ALDH2: variants seen among roughly 807,000 people sequenced by gnomAD.
The protein encoded by ALDH2 is aldehyde dehydrogenase, mitochondrial.
In ALDH2, 44 loss-of-function variants were observed where a neutral mutation model predicts 59.6. The observed-to-expected ratio is 0.74, with a 90% CI of 0.58 to 0.95. The LOEUF is 0.95. ALDH2 is among the 40% of genes least tolerant of loss of function. The pLI, the probability that ALDH2 is intolerant of heterozygous loss-of-function variation, is 0.00. For missense variants in ALDH2, 570 were observed against 696.3 expected (o/e 0.82, Z 2.04); for synonymous variants, 291 against 284.0 (o/e 1.02, Z -0.25).
chr12:111,803,425 C>A (rs1377968148), intron 11 of ALDH2, among the ~76,000 whole-genome samples: 1 of 151,618 alleles, frequency 6.6e-6, no homozygotes, highest in African/African-American at 2.4e-5. Flanking sequence ...TAGTGAGACC[C>A]CATCTCTACA....
At position 111,798,230 on chromosome 12, in the gene ALDH2, C is replaced by T. The variant is rs908169925; in HGVS notation, c.1236C>T (p.Ile412=). Residue 412 remains isoleucine (I), a synonymous_variant, in exon 10 of 13, where the codon ATC becomes ATT. Transcript: ENST00000261733. ...VFGDVQDGMT[I]AKEEIFGPVM... is the part of the protein sequence containing the mutation. ...GAGATGTGCAGGATGGCATGACCAT[C>T]GCCAAGGAGGAGGTGAGCACTTGGG... 7.1e-6 allele frequency: 11 copies of T among 1,557,414 alleles called. No homozygotes were observed. Among genetic ancestry groups the T allele is most frequent in the South Asian group, 3.7e-5 (3 of 81,552 alleles).
rs190334502 is a variant in ALDH2, at chr12:111,807,235, C to T, written c.1522-2308C>T. ...CCGAGATGGTGCCACTGCACTCCAG[C>T]GTGGGAGACAGAGCGAGACTCTGTC... On this transcript the variant is annotated intron_variant, in intron 12 of 12. Transcript: ENST00000261733. 1.1e-3 allele frequency among the ~76,000 whole-genome samples: 173 copies of T among 151,842 alleles called. No homozygotes were observed. In the East Asian group the frequency reaches 0.014, roughly 13 times the overall value.
chr12:111,804,475 G>T (rs967438527), intron 12 of ALDH2, among the ~76,000 whole-genome samples: 1 of 152,204 alleles, frequency 6.6e-6, no homozygotes, highest in Non-Finnish European at 1.5e-5. Context: ...ACCGGGCACG[G>T]TGGCTCACAC....
intron 9 of ALDH2, among the ~76,000 whole-genome samples, chr12:111,793,461 C>T (rs755676946): frequency 1.2e-4 from 18 of 152,110 alleles, no homozygotes; most frequent in Admixed American, 8.5e-4. Context: ...TATATTCCTT[C>T]GCACCTCCCT....
intron 1 of ALDH2, 149 bp from the exon 2 acceptor site, chr12:111,781,769 C>T (rs1566184239): frequency 1.7e-6 from 1 of 596,048 alleles, no homozygotes; most frequent in Non-Finnish European, 3.0e-6. Context: ...CCTAGATTGT[C>T]TGCAAGGCCT....
At position 111,798,805 on chromosome 12, in the gene ALDH2, G is replaced by A. The variant is rs148853596; in HGVS notation, c.1248+563G>A. Reference sequence around the variant, plus strand: ...GTGGATCACCTGAGGTCATGAGTTCGAGACCAGCCTGGCCAACATGGCAAA... The same window carrying A: ...GTGGATCACCTGAGGTCATGAGTTCAAGACCAGCCTGGCCAACATGGCAAA... On this transcript the variant is annotated intron_variant, in intron 10 of 12. Transcript: ENST00000261733. 8.0e-3 allele frequency among the ~76,000 whole-genome samples: 1,224 copies of A among 152,052 alleles called. 15 individuals carry two copies. The highest frequency in any genetic ancestry group is 0.028 in the African/African-American group (1,172 of 41,526).
At chr12:111,799,697 G>A in intron 10 of ALDH2, 2 of 498,480 alleles carry the variant, frequency 4.0e-6, no homozygotes, top group Non-Finnish European at 7.0e-6. Flanking sequence ...TGTATGTAAA[G>A]CCCGGGGCGC....
At chr12:111,777,668 C>T (rs922673687) in intron 1 of ALDH2, among the ~76,000 whole-genome samples, 19 of 152,274 alleles carry the variant, frequency 1.2e-4, no homozygotes, top group African/African-American at 4.3e-4. Context: ...CACGGGCACC[C>T]CGAGGAGGAG....
intron 1 of ALDH2, among the ~76,000 whole-genome samples, chr12:111,773,353 A>G (rs76924519): frequency 0.016 from 2,378 of 152,302 alleles, 71 homozygotes; most frequent in African/African-American, 0.054. Flanking sequence ...TTCAGGTGAC[A>G]GGGCTATAAT....
At chr12:111,790,667 TG>T in intron 6 of ALDH2, 105 bp downstream of exon 6, 1 of 1,470,648 alleles carries the variant, frequency 6.8e-7, no homozygotes. Context: ...GAGGTGTGTT[TG>T]TGGAGCCCCC....
At chr12:111,773,184 A>ACACCTCCT (rs1258949870) in intron 1 of ALDH2, among the ~76,000 whole-genome samples, 4 of 150,532 alleles carry the variant, frequency 2.7e-5, no homozygotes, top group African/African-American at 9.7e-5. Context: ...CAGGAGGCGG[A>ACACCTCCT]GGTTGTGGTG....
intron 3 of ALDH2, among the ~76,000 whole-genome samples, chr12:111,783,590 A>G (rs1715088660): frequency 6.6e-6 from 1 of 151,754 alleles, no homozygotes; most frequent in Admixed American, 6.6e-5. Context: ...GCTCACTGCA[A>G]CCTCCACCTC....
At chr12:111,781,118 A>G (rs1011969252) in intron 1 of ALDH2, among the ~76,000 whole-genome samples, 9 of 152,168 alleles carry the variant, frequency 5.9e-5, no homozygotes, top group African/African-American at 2.2e-4. Context: ...CAAAAAAGAA[A>G]AAAAACAATA....
chr12:111,766,964 T>C lies in ALDH2; in HGVS notation c.-19T>C, dbSNP rs765749495. On this transcript the variant is annotated 5_prime_UTR_variant, in exon 1 of 13. Coordinates refer to ENST00000261733, the MANE Select transcript of ALDH2 (RefSeq NM_000690.4). Reference sequence around the variant, plus strand: ...CTAGCTCTGCTCTCGGTCCGCTCGCTGTCCGCTAGCCCGCTGCGATGTTGC... The same window carrying C: ...CTAGCTCTGCTCTCGGTCCGCTCGCCGTCCGCTAGCCCGCTGCGATGTTGC... The C allele has an allele frequency of 6.1e-5, 93 of 1,517,182 alleles. No individual in the cohort carries two copies. The highest frequency in any genetic ancestry group is 6.0e-5 in the Non-Finnish European group (68 of 1,139,034). The allele number at this position is 1,517,182 out of a possible 1,614,324, so 94.0% of individuals were successfully genotyped here.
intron 1 of ALDH2, among the ~76,000 whole-genome samples, chr12:111,776,900 G>C (rs959703741): frequency 6.6e-6 from 1 of 152,042 alleles, no homozygotes; most frequent in South Asian, 2.1e-4. Flanking sequence ...GTCCAGGCTG[G>C]TCTCGAACTC....
At position 111,781,840 on chromosome 12, in the gene ALDH2, T is replaced by C. The variant is rs1200242087; in HGVS notation, c.115-78T>C. On this transcript the variant is annotated intron_variant, in intron 1 of 12. Coordinates refer to ENST00000261733, the MANE Select transcript of ALDH2 (RefSeq NM_000690.4). ...TAATTCATATTTGCTTTTTCTTGTT[T>C]TTTTTTTTCCTTACAATACTGGTAG... The C allele has an allele frequency of 3.6e-6, 4 of 1,109,866 alleles. No homozygotes were observed. In the East Asian group the frequency reaches 9.9e-5, roughly 27 times the overall value. The allele number at this position is 1,109,866 out of a possible 1,614,324, so 68.8% of individuals were successfully genotyped here.
At chr12:111,797,888 G>A (rs1002042166) in intron 9 of ALDH2, among the ~76,000 whole-genome samples, 190 bp from the exon 10 acceptor site, 2 of 152,090 alleles carry the variant, frequency 1.3e-5, no homozygotes, top group Non-Finnish European at 1.5e-5. Flanking sequence ...CCTTTTCTCC[G>A]GTAGGCTGAG....
At chr12:111,805,764 C>T (rs948959392) in intron 12 of ALDH2, among the ~76,000 whole-genome samples, 3 of 152,164 alleles carry the variant, frequency 2.0e-5, no homozygotes, top group Non-Finnish European at 4.4e-5. Context: ...GTGGCTCACG[C>T]GTATAATCCC....
intron 1 of ALDH2, among the ~76,000 whole-genome samples, chr12:111,772,408 G>A (rs995596052): frequency 3.3e-5 from 5 of 151,778 alleles, no homozygotes; most frequent in Non-Finnish European, 5.9e-5. Context: ...TCTGTCGCCC[G>A]GGCTGGAGTG....
Sources: allele counts gnomAD v4.1 joint callset (sites outside exome capture counted in the v4.1 genomes callset), GRCh38; gene constraint gnomAD v4.1.1; transcripts MANE v1.5; gene names NCBI Gene and HGNC (gene_info 2026-07-23, HGNC 2026-07-21).